HIF1A: variants seen among roughly 807,000 people sequenced by gnomAD.
HIF1A encodes the protein hypoxia inducible factor 1 subunit alpha, also known as hypoxia-inducible factor 1-alpha.
A neutral mutation model predicts 92.7 loss-of-function variants in HIF1A; 24 were observed. That is an observed-to-expected ratio of 0.26 (90% CI 0.19 to 0.36). The LOEUF (loss-of-function observed/expected upper bound fraction) is 0.36, where lower values mean the gene tolerates loss of function less well. HIF1A is among the 10% of genes least tolerant of loss of function. HIF1A has a pLI of 1.00. For synonymous variants in HIF1A, 319 were observed against 338.7 expected, an observed-to-expected ratio of 0.94 and a Z score of 0.64; for missense variants, 799 against 998.5, an observed-to-expected ratio of 0.80 and a Z score of 2.69.
chr14:61,727,365 G>T, intron 5 of HIF1A, 88 bp from the exon 6 acceptor site: 1 of 909,240 alleles, frequency 1.1e-6, no homozygotes, highest in Non-Finnish European at 1.8e-6. Context: ...AAGCTTACTG[G>T]CCATGTCAGA....
At chr14:61,702,273 C>A (rs868092014) in intron 1 of HIF1A, among the ~76,000 whole-genome samples, 832 of 101,618 alleles carry the variant, frequency 8.2e-3, no homozygotes, top group Non-Finnish European at 8.9e-3. Context: ...ACTAAAAATA[C>A]AAAAAAAAAA....
At chr14:61,713,957 C>T (rs964671855) in intron 1 of HIF1A, among the ~76,000 whole-genome samples, 2 of 152,170 alleles carry the variant, frequency 1.3e-5, no homozygotes, top group African/African-American at 4.8e-5. Flanking sequence ...GAGAACCCCT[C>T]CTCTCCCGAT....
intron 7 of HIF1A, among the ~76,000 whole-genome samples, chr14:61,733,303 C>G (rs778992658): frequency 3.3e-5 from 5 of 152,190 alleles, no homozygotes; most frequent in Non-Finnish European, 7.3e-5. Flanking sequence ...CCAGGCTGGT[C>G]TCGAACTCCT....
chr14:61,707,527 GTTCC>G lies in HIF1A; in HGVS notation c.35+11690_35+11693del, dbSNP rs534503493. 5.9e-3 allele frequency among the ~76,000 whole-genome samples: 894 copies of G among 151,816 alleles called. 13 individuals carry two copies. Among genetic ancestry groups the G allele is most frequent in the African/African-American group, 0.02 (833 of 41,354 alleles). On this transcript the variant is annotated intron_variant, in intron 1 of 14. Coordinates refer to ENST00000337138, the MANE Select transcript of HIF1A (RefSeq NM_001530.4). ...TGTGTCCATGTGTTCTCATTGTTCAGTTCCTACCTATGAGTGAGAACACGCGGTG... is the reference window on the plus strand; with the variant it reads ...TGTGTCCATGTGTTCTCATTGTTCAGTACCTATGAGTGAGAACACGCGGTG...
At chr14:61,745,562 C>A in intron 13 of HIF1A, 129 bp from the exon 14 acceptor site, 1 of 742,766 alleles carries the variant, frequency 1.3e-6, no homozygotes, top group South Asian at 1.5e-5. Flanking sequence ...AGAAAGAATT[C>A]AAAATAATTT....
At chr14:61,722,780 TAGAG>T (rs1254350249) in intron 4 of HIF1A, among the ~76,000 whole-genome samples, 1 of 152,222 alleles carries the variant, frequency 6.6e-6, no homozygotes, top group Non-Finnish European at 1.5e-5. Context: ...TTAACAAAAA[TAGAG>T]AGTAAGACCT....
At chr14:61,707,279 C>G (rs1330305139) in intron 1 of HIF1A, among the ~76,000 whole-genome samples, 1 of 146,904 alleles carries the variant, frequency 6.8e-6, no homozygotes, top group East Asian at 2.0e-4. Flanking sequence ...ATCAGAAACT[C>G]TGGAAGTAAG....
Position 61,746,401 on chromosome 14 carries a change from T to C in HIF1A, c.2330-533T>C, listed in dbSNP as rs1318493756. 1.0e-4 allele frequency among the ~76,000 whole-genome samples: 15 copies of C among 145,202 alleles called. No individual in the cohort carries two copies. The East Asian group carries it at 2.2e-3, about 21-fold the overall frequency. ...TGAACTTTTATGACTTCTTTTTTTT[T>C]TTTTTTTTTTTTTGAGACAGGGTCT... On this transcript the variant is annotated intron_variant, in intron 14 of 14. Coordinates refer to ENST00000337138, the MANE Select transcript of HIF1A (RefSeq NM_001530.4).
intron 8 of HIF1A, among the ~76,000 whole-genome samples, chr14:61,735,663 G>T (rs1326072563): frequency 6.6e-6 from 1 of 152,182 alleles, no homozygotes; most frequent in Admixed American, 6.5e-5. Flanking sequence ...TTAATTAAAG[G>T]AATAATTTAC....
intron 6 of HIF1A, among the ~76,000 whole-genome samples, chr14:61,728,021 A>G (rs1312819363): frequency 4.1e-5 from 1 of 24,360 alleles, no homozygotes; most frequent in Non-Finnish European, 3.8e-4. Flanking sequence ...TCCCATTTCA[A>G]AAAAAAAAAA....
At chr14:61,735,993 C>CTT (rs10658676) in intron 8 of HIF1A, among the ~76,000 whole-genome samples, 112,854 of 144,140 alleles carry the variant, frequency 0.78, 45,004 homozygotes, top group Non-Finnish European at 0.85. Flanking sequence ...TTCTTTTTTT[C>CTT]TTTTTTTTTT....
intron 8 of HIF1A, among the ~76,000 whole-genome samples, chr14:61,734,580 A>G (rs144216652): frequency 3.5e-4 from 53 of 152,308 alleles, no homozygotes; most frequent in African/African-American, 1.2e-3. Flanking sequence ...TTATACAGAT[A>G]TCGGCATATA....
chr14:61,705,044 C>T (rs952099390), intron 1 of HIF1A, among the ~76,000 whole-genome samples: 2 of 152,122 alleles, frequency 1.3e-5, no homozygotes, highest in African/African-American at 4.8e-5. Context: ...GACATACATA[C>T]ACAAAACATT....
chr14:61,723,727 TGG>T (rs1205677584), intron 4 of HIF1A, among the ~76,000 whole-genome samples: 2 of 152,220 alleles, frequency 1.3e-5, no homozygotes, highest in Admixed American at 6.5e-5. Flanking sequence ...TATAAATGGA[TGG>T]ATATTAGGAA....
intron 4 of HIF1A, 101 bp downstream of exon 4, chr14:61,721,924 A>G: frequency 1.4e-6 from 1 of 729,948 alleles, no homozygotes; most frequent in South Asian, 1.7e-5. Context: ...ACCCAAGGCA[A>G]AATGTTATTT....
intron 1 of HIF1A, among the ~76,000 whole-genome samples, chr14:61,705,730 C>A (rs1011182658): frequency 1.3e-5 from 2 of 152,076 alleles, no homozygotes; most frequent in Non-Finnish European, 2.9e-5. Context: ...TTACCTAACC[C>A]TTTTTAAAGA....
At position 61,727,592 on chromosome 14, in the gene HIF1A, T is replaced by C; in HGVS notation, c.710T>C (p.Leu237Ser). 5.0e-6 allele frequency: 8 copies of C among 1,613,908 alleles called. No homozygotes were observed. Among genetic ancestry groups the C allele is most frequent in the Non-Finnish European group, 6.8e-6 (8 of 1,179,796 alleles). Residue 237 changes from leucine (L) to serine (S), a missense_variant, in exon 6 of 15, where the codon TTA becomes TCA. By Grantham distance (145) the Leu-to-Ser change is moderately radical. Transcript: ENST00000337138. The part of the protein sequence containing the change: ...IPHPSNIEIP[L>S]DSKTFLSRHS... ...CACCCATCAAATATTGAAATTCCTTTAGATAGCAAGACTTTCCTCAGTCGA... is the reference window on the plus strand; with the variant it reads ...CACCCATCAAATATTGAAATTCCTTCAGATAGCAAGACTTTCCTCAGTCGA...
At chr14:61,707,240 C>A (rs1163860848) in intron 1 of HIF1A, among the ~76,000 whole-genome samples, 8 of 152,112 alleles carry the variant, frequency 5.3e-5, no homozygotes, top group African/African-American at 1.9e-4. Flanking sequence ...TAGAAATGCA[C>A]ATTCTCAGGC....
rs148445658 is a variant in HIF1A, at chr14:61,705,249, A to C, written c.35+9410A>C. On this transcript the variant is annotated intron_variant, in intron 1 of 14. Coordinates refer to ENST00000337138, the MANE Select transcript of HIF1A (RefSeq NM_001530.4). Reference sequence around the variant, plus strand: ...GTGGTCATTTGGTAACAGTTTGATCATAAACAAATGCAGCCTCAAACACAG... The same window carrying C: ...GTGGTCATTTGGTAACAGTTTGATCCTAAACAAATGCAGCCTCAAACACAG... 1.9e-4 allele frequency among the ~76,000 whole-genome samples: 29 copies of C among 152,284 alleles called. No individual in the cohort carries two copies. The East Asian group carries it at 4.0e-3, about 21-fold the overall frequency.
Sources: allele counts gnomAD v4.1 joint callset (sites outside exome capture counted in the v4.1 genomes callset), GRCh38; gene constraint gnomAD v4.1.1; transcripts MANE v1.5; gene names NCBI Gene and HGNC (gene_info 2026-07-23, HGNC 2026-07-21).